Variants in ZNF804B observed in about 807,000 individuals in gnomAD.
ZNF804B encodes zinc finger 804B.
A neutral mutation model predicts 101.4 loss-of-function variants in ZNF804B; 80 were observed. The ratio of observed to expected loss-of-function variants is 0.79; its 90% confidence interval spans 0.66 to 0.95. ZNF804B has a LOEUF of 0.95. Among genes scored for constraint, ZNF804B ranks in the 40% least tolerant of loss-of-function variants. The pLI is 0.00. For synonymous variants in ZNF804B, 622 were observed against 558.8 expected, an observed-to-expected ratio of 1.11 and a Z score of -1.59; for missense variants, 1,673 against 1,561.9, an observed-to-expected ratio of 1.07 and a Z score of -1.20.
At chr7:88,873,701 T>C (rs1169540093) in intron 1 of ZNF804B, among the ~76,000 whole-genome samples, 1 of 152,214 alleles carries the variant, frequency 6.6e-6, no homozygotes, top group African/African-American at 2.4e-5. Flanking sequence ...GAGCCAGTTC[T>C]CCCAGCACCA....
rs574409379 is a variant in ZNF804B at position 89,013,930 on chromosome 7, G to A, written c.109-204225G>A. Among the ~76,000 whole-genome samples the A allele has an allele frequency of 1.4e-4, 22 of 152,268 alleles. No individual in the cohort carries two copies. In the East Asian group the frequency reaches 3.5e-3, roughly 24 times the overall value. Reference sequence around the variant, plus strand: ...ACCGCAGGGTCATTTATGTCACTGCGAGTGACAGGTTTCATTCCTTTTTAA... The same window carrying A: ...ACCGCAGGGTCATTTATGTCACTGCAAGTGACAGGTTTCATTCCTTTTTAA... On this transcript the variant is annotated intron_variant, in intron 1 of 3. Coordinates refer to ENST00000333190, the MANE Select transcript of ZNF804B (RefSeq NM_181646.5).
chr7:88,883,066 A>T (rs1792067072), intron 1 of ZNF804B, among the ~76,000 whole-genome samples: 1 of 152,136 alleles, frequency 6.6e-6, no homozygotes, highest in Non-Finnish European at 1.5e-5. Flanking sequence ...CTTTCTACAA[A>T]AATAGAAGAA....
At chr7:89,227,752 T>C (rs1789117720) in intron 2 of ZNF804B, among the ~76,000 whole-genome samples, 1 of 152,148 alleles carries the variant, frequency 6.6e-6, no homozygotes. Context: ...ATGGAAAGTT[T>C]GGGAAATAGG....
At chr7:88,763,364 T>C (rs1789926856) in intron 1 of ZNF804B, among the ~76,000 whole-genome samples, 1 of 152,138 alleles carries the variant, frequency 6.6e-6, no homozygotes, top group Admixed American at 6.5e-5. Context: ...ATCAGTAAAC[T>C]GAAAATCCCA....
intron 1 of ZNF804B, among the ~76,000 whole-genome samples, chr7:88,799,160 G>A (rs1790538841): frequency 6.6e-6 from 1 of 151,930 alleles, no homozygotes; most frequent in South Asian, 2.1e-4. Flanking sequence ...TCCTTTTTCA[G>A]AACCAAATGC....
At chr7:88,847,061 A>G (rs1163059498) in intron 1 of ZNF804B, among the ~76,000 whole-genome samples, 1 of 152,068 alleles carries the variant, frequency 6.6e-6, no homozygotes, top group African/African-American at 2.4e-5. Context: ...TTTTTGGCAA[A>G]CTATTTTTAA....
chr7:89,125,383 ATAAT>A (rs746217747), intron 1 of ZNF804B, among the ~76,000 whole-genome samples: 2 of 151,900 alleles, frequency 1.3e-5, no homozygotes, highest in Admixed American at 6.6e-5. Context: ...AATGATCAAA[ATAAT>A]TTATGCCTGG....
intron 1 of ZNF804B, among the ~76,000 whole-genome samples, chr7:88,893,350 A>G (rs1373096070): frequency 6.6e-6 from 1 of 152,082 alleles, no homozygotes; most frequent in Non-Finnish European, 1.5e-5. Flanking sequence ...GTATTGCTTT[A>G]TTACACAGAT....
intron 1 of ZNF804B, among the ~76,000 whole-genome samples, chr7:88,854,529 T>TCCTTTCCTTTCCTTCC (rs1562812904): frequency 3.5e-5 from 2 of 57,920 alleles, no homozygotes; most frequent in African/African-American, 1.5e-4. Flanking sequence ...TTCCTTCCTT[T>TCCTTTCCTTTCCTTCC]CCTTCCTTCC....
intron 2 of ZNF804B, among the ~76,000 whole-genome samples, chr7:89,310,575 TA>T (rs910414592): frequency 1.3e-5 from 2 of 152,170 alleles, no homozygotes; most frequent in African/African-American, 2.4e-5. Context: ...TTCACTGTGC[TA>T]AGGTGCTCTT....
rs1793224192 is a variant in ZNF804B, at chr7:88,951,565, A to G, written c.108+191481A>G. Among the ~76,000 whole-genome samples, 3 of 151,932 alleles carry G rather than the reference A, an allele frequency of 2.0e-5. No individual in the cohort carries two copies. In the South Asian group the frequency reaches 6.2e-4, roughly 31 times the overall value. On this transcript the variant is annotated intron_variant, in intron 1 of 3. Transcript: ENST00000333190. ...TTGATAATATCTCCAAAAAACGTTGAAAGTTTTAAGATGTACTTACTTTCT... is the reference window on the plus strand; with the variant it reads ...TTGATAATATCTCCAAAAAACGTTGGAAGTTTTAAGATGTACTTACTTTCT...
At position 88,923,556 on chromosome 7, in the gene ZNF804B, T is replaced by A. The variant is rs548327709; in HGVS notation, c.108+163472T>A. Among the ~76,000 whole-genome samples the A allele has an allele frequency of 2.0e-5, 3 of 152,244 alleles. No individual in the cohort carries two copies. The East Asian group carries it at 5.8e-4, about 29-fold the overall frequency. On this transcript the variant is annotated intron_variant, in intron 1 of 3. Coordinates refer to ENST00000333190, the MANE Select transcript of ZNF804B (RefSeq NM_181646.5). ...TGAAATGTTCACCCTAGTTATATGA[T>A]GCTGTAGAGACAAAAATATGGTTGA...
At chr7:88,872,220 A>G (rs1460165174) in intron 1 of ZNF804B, among the ~76,000 whole-genome samples, 1 of 152,212 alleles carries the variant, frequency 6.6e-6, no homozygotes, top group Non-Finnish European at 1.5e-5. Context: ...GTTTAAGCAC[A>G]GTTCAGTATT....
chr7:89,017,465 C>T (rs1213868321), intron 1 of ZNF804B, among the ~76,000 whole-genome samples: 1 of 152,142 alleles, frequency 6.6e-6, no homozygotes, highest in Non-Finnish European at 1.5e-5. Flanking sequence ...ATGATATTGG[C>T]TATGTTTGTC....
intron 1 of ZNF804B, among the ~76,000 whole-genome samples, chr7:88,905,298 C>T (rs1792451814): frequency 6.6e-6 from 1 of 151,924 alleles, no homozygotes; most frequent in East Asian, 1.9e-4. Context: ...GAGGTAAAGC[C>T]TACTTGATTG....
intron 1 of ZNF804B, among the ~76,000 whole-genome samples, chr7:88,813,300 G>C (rs1244614030): frequency 6.6e-6 from 1 of 151,450 alleles, no homozygotes; most frequent in Non-Finnish European, 1.5e-5. Flanking sequence ...GGTGGCGGGC[G>C]CATGTAGTCC....
intron 1 of ZNF804B, among the ~76,000 whole-genome samples, chr7:88,993,392 G>T (rs954127189): frequency 6.6e-6 from 1 of 151,884 alleles, no homozygotes; most frequent in African/African-American, 2.4e-5. Flanking sequence ...GCAAAGTGAG[G>T]ATAAGACTAC....
intron 2 of ZNF804B, among the ~76,000 whole-genome samples, chr7:89,255,078 TCA>T (rs1367671715): frequency 6.6e-6 from 1 of 152,204 alleles, no homozygotes; most frequent in African/African-American, 2.4e-5. Flanking sequence ...TTTAATTGAC[TCA>T]CAGTTCCACA....
intron 1 of ZNF804B, among the ~76,000 whole-genome samples, chr7:88,822,504 G>T (rs962057166): frequency 6.6e-6 from 1 of 152,102 alleles, no homozygotes; most frequent in Non-Finnish European, 1.5e-5. Flanking sequence ...GGGAAAGTAT[G>T]GGCAGAAAGA....
Sources: gnomAD v4.1 joint callset for allele counts (sites outside exome capture counted in the v4.1 genomes callset) on GRCh38, gnomAD v4.1.1 for gene constraint, MANE v1.5 for transcripts, NCBI Gene and HGNC (gene_info 2026-07-23, HGNC 2026-07-21) for gene names.